Variants in PDE4DIP observed in about 807,000 individuals in gnomAD.
PDE4DIP encodes phosphodiesterase 4D interacting protein, also known as myomegalin.
A neutral mutation model predicts 221.4 loss-of-function variants in PDE4DIP; 59 were observed. That is an observed-to-expected ratio of 0.27 (90% CI 0.22 to 0.33). The LOEUF (loss-of-function observed/expected upper bound fraction) is 0.33. Ranked by LOEUF, PDE4DIP falls within the 10% of genes least tolerant of loss-of-function variation. The probability of loss-of-function intolerance (pLI) is 1.00; values close to 1 mark genes in which losing one functional copy is unlikely to be tolerated. For missense variants in PDE4DIP, 1,036 were observed against 2,154.2 expected (o/e 0.48, Z 10.28); for synonymous variants, 404 against 815.9 (o/e 0.50, Z 8.60).
upstream of PDE4DIP, among the ~76,000 whole-genome samples, chr1:148,885,733 C>T (rs1553430032): frequency 1.7e-5 from 1 of 58,060 alleles, no homozygotes; most frequent in South Asian, 6.0e-4. Context: ...GATGGCAGTA[C>T]TGTGGGTCAG....
chr1:149,028,641 C>A (rs782082083), exon 41 of PDE4DIP: 6 of 1,602,652 alleles, frequency 3.7e-6, no homozygotes, highest in Non-Finnish European at 5.1e-6. Flanking sequence ...AGCTTCCCTC[C>A]TCACCATGTT....
chr1:148,983,736 C>T (rs2061471529), intron 21 of PDE4DIP: 1 of 152,444 alleles, frequency 6.6e-6, no homozygotes, highest in Non-Finnish European at 1.5e-5. Context: ...AGTCATTTTT[C>T]AATGACAGTA....
At chr1:148,994,672 T>C (rs1460615659) in intron 22 of PDE4DIP, among the ~76,000 whole-genome samples, 1 of 152,084 alleles carries the variant, frequency 6.6e-6, no homozygotes, top group Admixed American at 6.6e-5. Context: ...TTTTTGATGG[T>C]GAAACATTGA....
rs782105425 is a variant in PDE4DIP at position 149,016,282 on chromosome 1, T to C, written c.5267-17T>C. On this transcript the variant is annotated splice_polypyrimidine_tract_variant and intron_variant, in intron 32 of 43. Transcript: ENST00000369354. ...TGACACCCCATTTGCTTCTTACTAA[T>C]GTTTCTTTCTGCCCAGGTGCCAGCA... The C allele has an allele frequency of 5.0e-6, 8 of 1,613,600 alleles. No individual in the cohort carries two copies. The highest frequency in any genetic ancestry group is 6.8e-6 in the Non-Finnish European group (8 of 1,179,712).
intron 6 of PDE4DIP, 44 bp from the exon 10 acceptor site, chr1:148,961,793 A>AG: frequency 1.2e-6 from 1 of 801,316 alleles, no homozygotes; most frequent in East Asian, 2.4e-5. Context: ...TGAGGCTAAA[A>AG]GACATCATTG....
chr1:149,018,065 C>A (rs587693337), intron 34 of PDE4DIP, among the ~76,000 whole-genome samples, 186 bp downstream of exon 37: 3 of 152,182 alleles, frequency 2.0e-5, no homozygotes, highest in Non-Finnish European at 4.4e-5. Flanking sequence ...GGCAGAACTA[C>A]GTCTGATGCC....
At chr1:148,859,390 CTTGT>C (rs1282489206) in intron 1 of PDE4DIP, among the ~76,000 whole-genome samples, 1 of 149,996 alleles carries the variant, frequency 6.7e-6, no homozygotes, top group Admixed American at 6.7e-5. Context: ...AGGTGAACAG[CTTGT>C]GAGTAGGTTG....
chr1:148,813,752 AG>A (rs1409145164), intron 1 of PDE4DIP, among the ~76,000 whole-genome samples: 1 of 127,184 alleles, frequency 7.9e-6, no homozygotes, highest in Non-Finnish European at 1.7e-5. Context: ...ATTGTGATCA[AG>A]GTGTTTTTTT....
At chr1:148,981,033 T>A (rs1468156719) in intron 20 of PDE4DIP, among the ~76,000 whole-genome samples, 1 of 152,214 alleles carries the variant, frequency 6.6e-6, no homozygotes, top group Non-Finnish European at 1.5e-5. Flanking sequence ...TATGTGAAAT[T>A]GGCCCAGAAT....
At chr1:149,016,233 A>G (rs2070500066) in intron 32 of PDE4DIP, 66 bp from the exon 36 acceptor site, 5 of 1,385,880 alleles carry the variant, frequency 3.6e-6, no homozygotes, top group East Asian at 2.3e-5. Context: ...GCAATCACAC[A>G]CTTCCTTGCA....
At chr1:149,032,049 G>A (rs1224779134) in exon 44 of PDE4DIP, 34 of 1,610,886 alleles carry the variant, frequency 2.1e-5, no homozygotes, top group Non-Finnish European at 2.8e-5. Flanking sequence ...CAGCAGGAAA[G>A]GTGGGCCTGT....
At chr1:149,023,688 A>ATG (rs2073964794) in intron 37 of PDE4DIP, among the ~76,000 whole-genome samples, 1 of 72,282 alleles carries the variant, frequency 1.4e-5, no homozygotes, top group African/African-American at 5.2e-5. Context: ...GTACATGTAT[A>ATG]TGTGTGCACA....
intron 2 of PDE4DIP, chr1:148,929,579 A>G (rs765590950): frequency 3.2e-6 from 1 of 311,004 alleles, no homozygotes; most frequent in Non-Finnish European, 6.1e-6. Flanking sequence ...AAATGCAAAT[A>G]AGCTTTATCA....
chr1:149,000,686 G>T (rs2065444118), intron 23 of PDE4DIP, among the ~76,000 whole-genome samples: 1 of 151,648 alleles, frequency 6.6e-6, no homozygotes, highest in Non-Finnish European at 1.5e-5. Context: ...TATTTCTTAG[G>T]TCTGCAGCTA....
At chr1:148,998,768 G>T (rs587706228) in intron 23 of PDE4DIP, among the ~76,000 whole-genome samples, 18 of 147,288 alleles carry the variant, frequency 1.2e-4, no homozygotes, top group Admixed American at 2.0e-4. Flanking sequence ...ATAGAATCTC[G>T]CTCTGTCGCC....
At chr1:148,975,317 A>T (rs1372837297) in intron 17 of PDE4DIP, among the ~76,000 whole-genome samples, 2 of 145,740 alleles carry the variant, frequency 1.4e-5, no homozygotes, top group Non-Finnish European at 3.0e-5. Context: ...ATCAGTGTTT[A>T]TCAAGTATTC....
rs2041478895 is a variant in PDE4DIP, at chr1:148,905,182, T to G, written c.141+15288T>G. Reference sequence around the variant, plus strand: ...GAATTTATCCATCTCTTCTAGGTTTTTTTTTTTTTTTTTTTTTTTGAGATG... The same window carrying G: ...GAATTTATCCATCTCTTCTAGGTTTGTTTTTTTTTTTTTTTTTTTGAGATG... On this transcript the variant is annotated intron_variant, in intron 1 of 43. Coordinates refer to ENST00000369354, the Ensembl canonical transcript of PDE4DIP. Among the ~76,000 whole-genome samples, 6 of 144,958 alleles carry G rather than the reference T, an allele frequency of 4.1e-5. No homozygotes were observed. The South Asian group carries it at 1.3e-3, about 32-fold the overall frequency.
At chr1:148,830,541 A>AG in intron 1 of PDE4DIP, among the ~76,000 whole-genome samples, 1 of 81,462 alleles carries the variant, frequency 1.2e-5, no homozygotes, top group Non-Finnish European at 2.7e-5. Flanking sequence ...CTCGTTATTT[A>AG]CATTAGGTAT....
At chr1:148,981,731 G>A (rs782349473) in intron 21 of PDE4DIP, 41 of 265,848 alleles carry the variant, frequency 1.5e-4, no homozygotes, top group Non-Finnish European at 2.6e-4. Flanking sequence ...GCCCCTTCTC[G>A]TTCCCTCATC....
Sources: gnomAD v4.1 joint callset for allele counts (sites outside exome capture counted in the v4.1 genomes callset) on GRCh38, gnomAD v4.1.1 for gene constraint, MANE v1.5 for transcripts, NCBI Gene and HGNC (gene_info 2026-07-23, HGNC 2026-07-21) for gene names.